The following HOMER2 variants were observed in gnomAD, a reference collection of about 807,000 sequenced individuals.
HOMER2 encodes the protein homer scaffold protein 2, also known as homer protein homolog 2.
HOMER2 carries 27 observed loss-of-function variants against 47.0 expected under a neutral mutation model. That is an observed-to-expected ratio of 0.57 (90% CI 0.42 to 0.79). The LOEUF is 0.79. Ranked by LOEUF, HOMER2 falls within the 30% of genes least tolerant of loss-of-function variation. The pLI, the probability that HOMER2 is intolerant of heterozygous loss-of-function variation, is 0.00. For synonymous variants in HOMER2, 161 were observed against 163.8 expected, an observed-to-expected ratio of 0.98 and a Z score of 0.13; for missense variants, 443 against 435.0, an observed-to-expected ratio of 1.02 and a Z score of -0.16.
At chr15:82,937,488 C>T (rs1218165376) in intron 1 of HOMER2, among the ~76,000 whole-genome samples, 2 of 152,158 alleles carry the variant, frequency 1.3e-5, no homozygotes, top group African/African-American at 4.8e-5. Context: ...CCTCACACTG[C>T]CTCTGCCCTC....
chr15:82,879,086 A>T (rs1260195537), intron 2 of HOMER2, among the ~76,000 whole-genome samples: 1 of 152,200 alleles, frequency 6.6e-6, no homozygotes, highest in Non-Finnish European at 1.5e-5. Flanking sequence ...TCTTAATTTC[A>T]GACATTGTTA....
intron 1 of HOMER2, among the ~76,000 whole-genome samples, chr15:82,911,173 C>T (rs2053442761): frequency 6.6e-6 from 1 of 152,160 alleles, no homozygotes. Context: ...GCTCTCTCTC[C>T]CTATTACCAT....
At chr15:82,937,248 T>C (rs114454438) in intron 1 of HOMER2, among the ~76,000 whole-genome samples, 2,647 of 152,320 alleles carry the variant, frequency 0.017, 84 homozygotes, top group African/African-American at 0.06. Context: ...CATTCTTCTC[T>C]GCATAAGACT....
chr15:82,892,920 C>A, intron 1 of HOMER2, 79 bp from the exon 2 acceptor site: 1 of 1,165,360 alleles, frequency 8.6e-7, no homozygotes, highest in Non-Finnish European at 1.2e-6. Flanking sequence ...CACCTACTGC[C>A]CCAAAAGATT....
intron 3 of HOMER2, among the ~76,000 whole-genome samples, chr15:82,868,541 A>ATATATATATATATATATATATATATATT: frequency 1.3e-4 from 9 of 71,254 alleles, no homozygotes; most frequent in South Asian, 4.9e-4. Context: ...ATATATATAT[A>ATATATATATATATATATATATATATATT]TTTTTTTTTT....
At chr15:82,859,654 C>A (rs548685986) in intron 4 of HOMER2, among the ~76,000 whole-genome samples, 1 of 152,248 alleles carries the variant, frequency 6.6e-6, no homozygotes, top group East Asian at 1.9e-4. Flanking sequence ...GAGACAAGAA[C>A]CAGGTCCTGT....
chr15:82,910,745 G>A (rs1292543619), intron 1 of HOMER2, among the ~76,000 whole-genome samples: 1 of 152,242 alleles, frequency 6.6e-6, no homozygotes, highest in African/African-American at 2.4e-5. Flanking sequence ...TTCCTCAGAT[G>A]GGAGTTTTTG....
chr15:82,867,999 CCCT>C (rs1195559793), intron 3 of HOMER2, among the ~76,000 whole-genome samples: 2 of 151,968 alleles, frequency 1.3e-5, no homozygotes, highest in Non-Finnish European at 2.9e-5. Flanking sequence ...AAAATCGCCT[CCCT>C]CCAAGTCTTG....
At chr15:82,931,536 T>TAAAA (rs1190584996) in intron 1 of HOMER2, among the ~76,000 whole-genome samples, 2 of 121,102 alleles carry the variant, frequency 1.7e-5, no homozygotes, top group African/African-American at 6.2e-5. Context: ...ATGCCTGCTT[T>TAAAA]AAAAAAAAAA....
intron 1 of HOMER2, among the ~76,000 whole-genome samples, chr15:82,964,524 G>A (rs544708025): frequency 6.6e-6 from 1 of 152,358 alleles, no homozygotes; most frequent in Admixed American, 6.5e-5. Flanking sequence ...CCAACACTTT[G>A]GGAGGCCAAG....
At chr15:82,977,114 A>T (rs902588106) in intron 1 of HOMER2, among the ~76,000 whole-genome samples, 5 of 152,230 alleles carry the variant, frequency 3.3e-5, no homozygotes, top group Admixed American at 3.3e-4. Context: ...AATATTACAT[A>T]AATGATCTTA....
downstream of HOMER2, among the ~76,000 whole-genome samples, chr15:82,847,777 C>T (rs1190370847): frequency 1.3e-5 from 2 of 152,186 alleles, no homozygotes; most frequent in East Asian, 1.9e-4. Flanking sequence ...GGCAGCCACA[C>T]ACCCAGCCTG....
intron 5 of HOMER2, 141 bp from the exon 6 acceptor site, chr15:82,854,941 G>T: frequency 1.1e-6 from 1 of 935,370 alleles, no homozygotes; most frequent in Non-Finnish European, 1.6e-6. Flanking sequence ...TGGCAGGTGG[G>T]TCTGGCTACC....
intron 1 of HOMER2, among the ~76,000 whole-genome samples, chr15:82,938,939 G>C (rs1391551642): frequency 6.6e-6 from 1 of 152,092 alleles, no homozygotes; most frequent in African/African-American, 2.4e-5. Flanking sequence ...CACCTCTCAG[G>C]CTCATTCACC....
At chr15:82,970,092 C>G (rs889998814) in intron 1 of HOMER2, among the ~76,000 whole-genome samples, 39 of 152,208 alleles carry the variant, frequency 2.6e-4, no homozygotes, top group African/African-American at 9.4e-4. Flanking sequence ...AAGGCTCCAT[C>G]CAGCTTATAG....
chr15:82,943,830 T>C (rs767139522), intron 1 of HOMER2, among the ~76,000 whole-genome samples: 6 of 152,212 alleles, frequency 3.9e-5, no homozygotes, highest in African/African-American at 7.2e-5. Flanking sequence ...CTAGAGCCCC[T>C]GCATAGCTGG....
chr15:82,862,553 G>T (rs1163733667), intron 4 of HOMER2, among the ~76,000 whole-genome samples: 1 of 152,126 alleles, frequency 6.6e-6, no homozygotes, highest in Non-Finnish European at 1.5e-5. Flanking sequence ...TTCTGAAAAA[G>T]ATAGTATATT....
intron 1 of HOMER2, among the ~76,000 whole-genome samples, chr15:82,928,113 C>T (rs969607475): frequency 6.6e-6 from 1 of 152,082 alleles, no homozygotes; most frequent in Non-Finnish European, 1.5e-5. Flanking sequence ...AGTGGTTTCT[C>T]TGCTAGAAAT....
At position 82,854,634 on chromosome 15, in the gene HOMER2, C is replaced by A; in HGVS notation, c.651+10G>T. 6.2e-7 allele frequency: 1 copy of A among 1,608,706 alleles called. No individual in the cohort carries two copies. Among genetic ancestry groups the A allele is most frequent in the Non-Finnish European group, 8.5e-7 (1 of 1,177,474 alleles). On this transcript the variant is annotated intron_variant, in intron 6 of 8. Coordinates refer to ENST00000450735, the MANE Select transcript of HOMER2 (RefSeq NM_004839.4). ...CTGGCCTCGGGGCTCACTGCATCCA[C>A]CGTACCCACCTTGTTGCGGAGCCGG...
Sources: allele counts gnomAD v4.1 joint callset (sites outside exome capture counted in the v4.1 genomes callset), GRCh38; gene constraint gnomAD v4.1.1; transcripts MANE v1.5; gene names NCBI Gene and HGNC (gene_info 2026-07-23, HGNC 2026-07-21).